Variants in TXNDC11 observed in about 807,000 individuals in gnomAD.
TXNDC11 encodes thioredoxin domain containing 11, also known as thioredoxin domain-containing protein 11.
In TXNDC11, 68 loss-of-function variants were observed where a neutral mutation model predicts 78.0. The ratio of observed to expected loss-of-function variants is 0.87; its 90% CI spans 0.72 to 1.07. TXNDC11 has a LOEUF of 1.07. Ranked by LOEUF, TXNDC11 falls within the 50% of genes least tolerant of loss-of-function variation. The pLI, the probability that TXNDC11 is intolerant of heterozygous loss-of-function variation, is 0.00. For synonymous variants in TXNDC11, 571 were observed against 495.2 expected, an observed-to-expected ratio of 1.15 and a Z score of -2.03; for missense variants, 1,389 against 1,221.8, an observed-to-expected ratio of 1.14 and a Z score of -2.04.
intron 1 of TXNDC11, among the ~76,000 whole-genome samples, chr16:11,738,586 G>T (rs1401476909): frequency 2.0e-5 from 3 of 152,056 alleles, no homozygotes; most frequent in South Asian, 4.1e-4. Flanking sequence ...GGTGGCTTGG[G>T]AGGTGCTATA....
At chr16:11,687,259 C>A (rs1340127443) in intron 10 of TXNDC11, among the ~76,000 whole-genome samples, 1 of 152,060 alleles carries the variant, frequency 6.6e-6, no homozygotes, top group Non-Finnish European at 1.5e-5. Flanking sequence ...TAACTCTTAT[C>A]TATCTGTAGG....
At chr16:11,709,340 C>A (rs2141054632) in intron 5 of TXNDC11, among the ~76,000 whole-genome samples, 1 of 151,438 alleles carries the variant, frequency 6.6e-6, no homozygotes, top group Admixed American at 6.6e-5. Context: ...GCAACCTCTG[C>A]CTCCCAGGTT....
At chr16:11,735,276 C>CA (rs1238162244) in intron 2 of TXNDC11, among the ~76,000 whole-genome samples, 10 of 152,150 alleles carry the variant, frequency 6.6e-5, no homozygotes. Context: ...GTAACTATCC[C>CA]ATTCAGTGAT....
intron 5 of TXNDC11, among the ~76,000 whole-genome samples, chr16:11,706,051 ACT>A (rs2051170844): frequency 6.6e-6 from 1 of 151,876 alleles, no homozygotes; most frequent in Admixed American, 6.6e-5. Context: ...ATAAACTAAG[ACT>A]CATACTCTCC....
rs190402248 is a variant in TXNDC11 at position 11,707,036 on chromosome 16, T to C, written c.794-6472A>G. Among the ~76,000 whole-genome samples the C allele has an allele frequency of 2.8e-3, 430 of 152,344 alleles. 3 individuals carry two copies. The highest frequency in any genetic ancestry group is 9.8e-3 in the African/African-American group (408 of 41,584). On this transcript the variant is annotated intron_variant, in intron 5 of 11. Transcript: ENST00000283033. ...GGACTTGAGTATGCAAATTCTGGTATATTTGGGGATCCTAGAACTAATCCC... is the reference window on the plus strand; with the variant it reads ...GGACTTGAGTATGCAAATTCTGGTACATTTGGGGATCCTAGAACTAATCCC...
At chr16:11,721,172 G>A (rs1005606493) in intron 5 of TXNDC11, 48 of 162,442 alleles carry the variant, frequency 3.0e-4, no homozygotes, top group Non-Finnish European at 5.9e-4. Flanking sequence ...GGGCGCAGTG[G>A]CTCATGCCTG....
chr16:11,714,112 GCTCAC>G (rs1310883507), intron 5 of TXNDC11, among the ~76,000 whole-genome samples: 1 of 151,828 alleles, frequency 6.6e-6, no homozygotes, highest in Non-Finnish European at 1.5e-5. Flanking sequence ...CATGATCTCA[GCTCAC>G]TGCAGCCCTG....
At chr16:11,717,837 G>T (rs1381542911) in intron 5 of TXNDC11, among the ~76,000 whole-genome samples, 1 of 151,354 alleles carries the variant, frequency 6.6e-6, no homozygotes, top group African/African-American at 2.4e-5. Flanking sequence ...AAAAAAGAAA[G>T]GCTAATACAA....
chr16:11,721,909 G>A (rs146858742), intron 4 of TXNDC11, among the ~76,000 whole-genome samples: 7 of 152,248 alleles, frequency 4.6e-5, no homozygotes, highest in Non-Finnish European at 8.8e-5. Flanking sequence ...TTGTACAGTG[G>A]TCATTCAGGG....
chr16:11,738,578 TG>T (rs2052296143), intron 1 of TXNDC11, among the ~76,000 whole-genome samples: 1 of 151,456 alleles, frequency 6.6e-6, no homozygotes, highest in African/African-American at 2.4e-5. Flanking sequence ...GATGGAGTGG[TG>T]GCTTGGGAGG....
At chr16:11,716,412 A>G (rs1597464544) in intron 5 of TXNDC11, among the ~76,000 whole-genome samples, 1 of 152,380 alleles carries the variant, frequency 6.6e-6, no homozygotes, top group East Asian at 1.9e-4. Flanking sequence ...TTTTGGCAAT[A>G]AAGTAGCCTC....
Position 11,686,585 on chromosome 16 carries a change from T to A in TXNDC11, c.2153+1272A>T, listed in dbSNP as rs1384690643. 2.0e-5 allele frequency among the ~76,000 whole-genome samples: 3 copies of A among 152,246 alleles called. No individual in the cohort carries two copies. In the East Asian group the frequency reaches 5.8e-4, roughly 29 times the overall value. The stretch of plus-strand genomic sequence containing the variant: ...ACTCATTCCATTAGATACATCTGAC[T>A]GCAGTTTCCATTTTATTTTATCAAC... On this transcript the variant is annotated intron_variant, in intron 10 of 11. Transcript: ENST00000283033.
chr16:11,732,097 G>A lies in TXNDC11; in HGVS notation c.570-1323C>T, dbSNP rs529397843. Among the ~76,000 whole-genome samples, 16 of 152,226 alleles carry A rather than the reference G, an allele frequency of 1.1e-4. No individual in the cohort carries two copies. In the South Asian group the frequency reaches 3.1e-3, roughly 30 times the overall value. ...AATGCAAAGACAGGGGTGTGGAGGC[G>A]GGCATTTCAAGGTGCGTACCACCTC... On this transcript the variant is annotated intron_variant, in intron 3 of 11. Transcript: ENST00000283033.
chr16:11,735,977 C>A, intron 2 of TXNDC11, 40 bp downstream of exon 2: 11 of 1,597,678 alleles, frequency 6.9e-6, no homozygotes, highest in Non-Finnish European at 9.4e-6. Flanking sequence ...ACATATAGGA[C>A]TGACAGTCAT....
intron 5 of TXNDC11, among the ~76,000 whole-genome samples, chr16:11,704,812 G>C (rs2051135213): frequency 2.0e-5 from 3 of 152,084 alleles, no homozygotes; most frequent in South Asian, 4.1e-4. Context: ...TCCCAGACTG[G>C]ATCCTGAAAC....
chr16:11,680,712 C>A (rs528882764), intron 11 of TXNDC11, among the ~76,000 whole-genome samples: 1 of 152,282 alleles, frequency 6.6e-6, no homozygotes, highest in Non-Finnish European at 1.5e-5. Context: ...CAGGTGTTAA[C>A]AGAATGGAAG....
intron 5 of TXNDC11, among the ~76,000 whole-genome samples, chr16:11,714,358 T>G (rs76410758): frequency 0.04 from 6,013 of 152,228 alleles, 412 homozygotes; most frequent in African/African-American, 0.14. Context: ...TCTCACCATC[T>G]GGCCGCGCTC....
In TXNDC11 at chr16:11,684,220, G is replaced by C. The variant is rs770363527; in HGVS notation, c.2179C>G (p.Pro727Ala). ...ARIDVSQNDL[P>A]WEFMVDRLPT... ...AGACGATCGACCATAAATTCCCAAG[G>C]AAGGTCATTCTGAGACACGTCAATC... Residue 727 changes from proline to alanine, a missense_variant, in exon 11 of 12, where the codon CCT becomes GCT. Coordinates refer to ENST00000283033, the MANE Select transcript of TXNDC11 (RefSeq NM_015914.7). 5.6e-6 allele frequency: 9 copies of C among 1,613,730 alleles called. No homozygotes were observed. The highest frequency in any genetic ancestry group is 5.0e-5 in the Admixed American group (3 of 60,026).
intron 10 of TXNDC11, among the ~76,000 whole-genome samples, chr16:11,685,370 G>A (rs1439556425): frequency 2.0e-5 from 3 of 150,898 alleles, no homozygotes; most frequent in Non-Finnish European, 4.4e-5. Flanking sequence ...ACAACGCCGG[G>A]CGTGGTGGCT....
Sources: gnomAD v4.1 joint callset for allele counts (sites outside exome capture counted in the v4.1 genomes callset) on GRCh38, gnomAD v4.1.1 for gene constraint, MANE v1.5 for transcripts, NCBI Gene and HGNC (gene_info 2026-07-23, HGNC 2026-07-21) for gene names.